KIAA1549L: variants seen among roughly 807,000 people sequenced by gnomAD.
The protein encoded by KIAA1549L is KIAA1549 like.
Under a neutral mutation model 160.7 loss-of-function variants are expected in KIAA1549L, and 88 were observed. That is an observed-to-expected ratio of 0.55 (90% CI 0.46 to 0.65). The LOEUF (loss-of-function observed/expected upper bound fraction) is 0.65, where lower values mean the gene tolerates loss of function less well. Among genes scored for constraint, KIAA1549L ranks in the 30% least tolerant of loss-of-function variants. The probability of loss-of-function intolerance (pLI) is 0.00; values close to 1 mark genes in which losing one functional copy is unlikely to be tolerated. For synonymous variants in KIAA1549L, 950 were observed against 976.7 expected, an observed-to-expected ratio of 0.97 and a Z score of 0.51; for missense variants, 2,258 against 2,437.5, an observed-to-expected ratio of 0.93 and a Z score of 1.55.
chr11:33,529,225 C>T (rs1191805840), intron 1 of KIAA1549L, among the ~76,000 whole-genome samples: 1 of 151,914 alleles, frequency 6.6e-6, no homozygotes, highest in East Asian at 1.9e-4. Context: ...AGTCCAGCTA[C>T]TCGGGAGGCT....
chr11:33,500,000 T>C (rs926996253), intron 1 of KIAA1549L, among the ~76,000 whole-genome samples: 17 of 152,202 alleles, frequency 1.1e-4, no homozygotes, highest in Non-Finnish European at 1.5e-4. Flanking sequence ...CCCTTCTTCT[T>C]TCACTGATAC....
chr11:33,403,543 GACAC>G (rs1299277701), intron 1 of KIAA1549L: 10 of 147,742 alleles, frequency 6.8e-5, no homozygotes, highest in East Asian at 6.0e-4. Flanking sequence ...CACACGCACA[GACAC>G]ACAGACACGC....
chr11:33,445,140 G>A (rs998723726), intron 1 of KIAA1549L, among the ~76,000 whole-genome samples: 2 of 152,192 alleles, frequency 1.3e-5, no homozygotes, highest in African/African-American at 4.8e-5. Context: ...GAGGGACCAA[G>A]GGCAGGGCCA....
At chr11:33,512,566 G>C (rs1276418637) in intron 1 of KIAA1549L, among the ~76,000 whole-genome samples, 1 of 152,048 alleles carries the variant, frequency 6.6e-6, no homozygotes, top group South Asian at 2.1e-4. Context: ...GGGACTACAG[G>C]TACCTGCTAC....
Position 33,650,702 on chromosome 11 carries a change from A to T in KIAA1549L, c.5760+4666A>T, listed in dbSNP as rs954784511. 5.3e-5 allele frequency among the ~76,000 whole-genome samples: 8 copies of T among 151,148 alleles called. 1 individual carries two copies. Among genetic ancestry groups the T allele is most frequent in the Admixed American group, 4.6e-4 (7 of 15,178 alleles). On this transcript the variant is annotated intron_variant, in intron 17 of 20. Transcript: ENST00000658780. ...TGCTTGTGTGTGTTCAGGTGAGCTC[A>T]CTCTGTCCCTTGCTCTGTCATTCTC...
intron 1 of KIAA1549L, among the ~76,000 whole-genome samples, chr11:33,414,871 C>T (rs1229804632): frequency 6.6e-6 from 1 of 152,048 alleles, no homozygotes; most frequent in Admixed American, 6.6e-5. Context: ...CATGTCCTTT[C>T]CCCATTTTCC....
chr11:33,456,664 C>T (rs4442523), intron 1 of KIAA1549L, among the ~76,000 whole-genome samples: 4,130 of 152,262 alleles, frequency 0.027, 132 homozygotes, highest in East Asian at 0.16. Context: ...CTCCTGCCCA[C>T]GCCTTCCAAA....
chr11:33,588,522 G>T (rs76331257), intron 11 of KIAA1549L, among the ~76,000 whole-genome samples: 2,871 of 152,260 alleles, frequency 0.019, 109 homozygotes, highest in African/African-American at 0.066. Flanking sequence ...TGGAAGCAAC[G>T]AGACCGAGGC....
At chr11:33,607,721 G>C (rs937473052) in intron 14 of KIAA1549L, among the ~76,000 whole-genome samples, 5 of 152,126 alleles carry the variant, frequency 3.3e-5, no homozygotes, top group South Asian at 2.1e-4. Flanking sequence ...ACACCTCAAG[G>C]AACATGCTAT....
At chr11:33,544,605 G>A (rs145080200) in intron 2 of KIAA1549L, among the ~76,000 whole-genome samples, 162 bp from the exon 3 acceptor site, 116 of 152,292 alleles carry the variant, frequency 7.6e-4, no homozygotes, top group African/African-American at 2.7e-3. Flanking sequence ...GGTTAATCAA[G>A]TTTATGAGCC....
intron 1 of KIAA1549L, among the ~76,000 whole-genome samples, chr11:33,389,989 A>C (rs1280882662): frequency 6.6e-6 from 1 of 152,270 alleles, no homozygotes; most frequent in Non-Finnish European, 1.5e-5. Flanking sequence ...TAGGAATGAA[A>C]TATAACCAGG....
intron 16 of KIAA1549L, among the ~76,000 whole-genome samples, chr11:33,637,472 C>T (rs1291856614): frequency 6.6e-6 from 1 of 152,246 alleles, no homozygotes; most frequent in Non-Finnish European, 1.5e-5. Context: ...GATCTGGACC[C>T]TGCCTTCCTC....
chr11:33,518,582 G>A (rs1238979259), intron 1 of KIAA1549L, among the ~76,000 whole-genome samples: 2 of 152,174 alleles, frequency 1.3e-5, no homozygotes, highest in Admixed American at 6.5e-5. Flanking sequence ...CCCTTGTATA[G>A]TGGCTGTAAA....
At chr11:33,445,133 G>A (rs5002615) in intron 1 of KIAA1549L, among the ~76,000 whole-genome samples, 9,080 of 152,212 alleles carry the variant, frequency 0.06, 908 homozygotes, top group African/African-American at 0.21. Context: ...GTTGGATGAG[G>A]GACCAAGGGC....
chr11:33,631,157 C>A (rs975461030), intron 16 of KIAA1549L, among the ~76,000 whole-genome samples: 1 of 152,196 alleles, frequency 6.6e-6, no homozygotes, highest in Non-Finnish European at 1.5e-5. Context: ...TTCTAAAACA[C>A]ACACTCTTGT....
intron 16 of KIAA1549L, among the ~76,000 whole-genome samples, chr11:33,621,269 AG>A (rs1850951616): frequency 6.6e-6 from 1 of 152,232 alleles, no homozygotes; most frequent in South Asian, 2.1e-4. Context: ...AAGAGTTATT[AG>A]GGCCTATAGA....
rs763286350 is a variant in KIAA1549L, at chr11:33,618,633, C to T, written c.5380C>T (p.Arg1794Trp). The T allele has an allele frequency of 7.5e-6, 12 of 1,600,694 alleles. No individual in the cohort carries two copies. The highest frequency in any genetic ancestry group is 1.3e-5 in the African/African-American group (1 of 74,688). Residue 1794 changes from arginine to tryptophan, a missense_variant, in exon 16 of 21, where the codon CGG (arginine) becomes TGG (tryptophan). Physicochemically the swap from Arg to Trp is moderately radical, Grantham distance 101. Transcript: ENST00000658780. Reference sequence around the variant, plus strand: ...CCTTCTGGTGACTCGGGAGCGACCCCGGCGTGGAATCCGCAACAGCGGATA... The same window carrying T: ...CCTTCTGGTGACTCGGGAGCGACCCTGGCGTGGAATCCGCAACAGCGGATA... ...MDLLVTRERP[R>W]RGIRNSGYDT...
At chr11:33,423,650 C>T (rs372834139) in intron 1 of KIAA1549L, among the ~76,000 whole-genome samples, 1 of 152,102 alleles carries the variant, frequency 6.6e-6, no homozygotes. Flanking sequence ...TTTGTTGCAC[C>T]CAGGTCAGCT....
intron 12 of KIAA1549L, among the ~76,000 whole-genome samples, chr11:33,596,428 G>A (rs979969497): frequency 6.6e-6 from 1 of 152,018 alleles, no homozygotes; most frequent in African/African-American, 2.4e-5. Flanking sequence ...GAGGGAAATG[G>A]TATGAAAATG....
Sources: allele counts gnomAD v4.1 joint callset (sites outside exome capture counted in the v4.1 genomes callset), GRCh38; gene constraint gnomAD v4.1.1; transcripts MANE v1.5; gene names NCBI Gene and HGNC (gene_info 2026-07-23, HGNC 2026-07-21).